JMJD1C: variants seen among roughly 807,000 people sequenced by gnomAD.
JMJD1C encodes jumonji domain containing 1C.
Under a neutral mutation model 245.3 loss-of-function variants are expected in JMJD1C, and 31 were observed. The observed-to-expected ratio is 0.13, with a 90% CI of 0.09 to 0.17. The LOEUF (loss-of-function observed/expected upper bound fraction) is 0.17, where lower values mean the gene tolerates loss of function less well. Among genes scored for constraint, JMJD1C ranks in the 10% least tolerant of loss-of-function variants. JMJD1C has a pLI of 1.00. For missense variants in JMJD1C, 2,691 were observed against 3,000.2 expected (o/e 0.90, Z 2.41); for synonymous variants, 1,057 against 1,017.4 (o/e 1.04, Z -0.74).
chr10:63,340,973 A>G (rs1188576914), intron 2 of JMJD1C, among the ~76,000 whole-genome samples: 1 of 152,138 alleles, frequency 6.6e-6, no homozygotes, highest in Non-Finnish European at 1.5e-5. Context: ...AACAAAAGAC[A>G]GTTAGTTACA....
intron 1 of JMJD1C, among the ~76,000 whole-genome samples, chr10:63,403,369 A>T (rs915821740): frequency 5.9e-5 from 9 of 152,256 alleles, no homozygotes; most frequent in African/African-American, 2.2e-4. Context: ...ACTTAAAATC[A>T]CTTAAGGTCT....
At chr10:63,433,924 T>C (rs189173338) in intron 1 of JMJD1C, among the ~76,000 whole-genome samples, 442 of 147,470 alleles carry the variant, frequency 3.0e-3, no homozygotes, top group Admixed American at 5.0e-3. Context: ...AAAGGGAAAA[T>C]TAAGCTAACA....
rs542468478 is a variant in JMJD1C, at chr10:63,433,982, A to G, written c.168+31513T>C. Among the ~76,000 whole-genome samples, 8 of 152,282 alleles carry G rather than the reference A, an allele frequency of 5.3e-5. No individual in the cohort carries two copies. In the South Asian group the frequency reaches 1.7e-3, roughly 32 times the overall value. On this transcript the variant is annotated intron_variant, in intron 1 of 25. Transcript: ENST00000399262. ...CTAAACTAGGAATCATTTCAGTTACAGCTAAATGCTGAAATGCAAACAAAA... is the reference window on the plus strand; with the variant it reads ...CTAAACTAGGAATCATTTCAGTTACGGCTAAATGCTGAAATGCAAACAAAA...
At chr10:63,211,823 C>CAAAAAAAAAAAAAAAAAAAAAAA in intron 8 of JMJD1C, among the ~76,000 whole-genome samples, 1 of 77,680 alleles carries the variant, frequency 1.3e-5, no homozygotes, top group African/African-American at 5.4e-5. Context: ...GACTCTGTCT[C>CAAAAAAAAAAAAAAAAAAAAAAA]AAAAAAAAAA....
chr10:63,514,759 C>T (rs1340340538), intron 1 of JMJD1C, among the ~76,000 whole-genome samples: 1 of 151,864 alleles, frequency 6.6e-6, no homozygotes, highest in Admixed American at 6.6e-5. Flanking sequence ...CACACATGTA[C>T]CCCAGAATCT....
At chr10:63,361,777 T>C (rs984098760) in intron 2 of JMJD1C, among the ~76,000 whole-genome samples, 3 of 139,862 alleles carry the variant, frequency 2.1e-5, no homozygotes, top group Admixed American at 7.2e-5. Context: ...CTCAATTTCA[T>C]ACACTTAAGA....
chr10:63,430,447 A>G (rs1263604809), intron 1 of JMJD1C, among the ~76,000 whole-genome samples: 1 of 152,228 alleles, frequency 6.6e-6, no homozygotes, highest in Non-Finnish European at 1.5e-5. Flanking sequence ...TACAACATGA[A>G]TAAATCTTGA....
intron 1 of JMJD1C, among the ~76,000 whole-genome samples, chr10:63,506,527 C>T (rs1219719673): frequency 6.6e-6 from 1 of 152,164 alleles, no homozygotes; most frequent in African/African-American, 2.4e-5. Context: ...TTCCTGGCCA[C>T]CTGGAAAAGC....
At chr10:63,211,847 A>C (rs1368010294) in intron 8 of JMJD1C, among the ~76,000 whole-genome samples, 40 of 135,560 alleles carry the variant, frequency 3.0e-4, no homozygotes, top group South Asian at 2.3e-4. Context: ...AAAAAAAAAA[A>C]CCCCACAAAA....
intron 2 of JMJD1C, among the ~76,000 whole-genome samples, chr10:63,349,011 G>T (rs1319662628): frequency 7.4e-6 from 1 of 134,866 alleles, no homozygotes; most frequent in East Asian, 2.4e-4. Flanking sequence ...AGAGGCAGGA[G>T]AATCACTTGA....
intron 2 of JMJD1C, among the ~76,000 whole-genome samples, chr10:63,377,888 A>T (rs1946880919): frequency 1.4e-5 from 2 of 147,522 alleles, no homozygotes; most frequent in African/African-American, 2.5e-5. Context: ...GAAAAGTGAG[A>T]TCTTGTCTAA....
intron 2 of JMJD1C, chr10:63,269,088 T>G (rs1232359234): frequency 4.1e-6 from 4 of 985,440 alleles, no homozygotes; most frequent in Non-Finnish European, 4.8e-6. Context: ...CGAGGTCGCT[T>G]ACATAACCAG....
intron 2 of JMJD1C, among the ~76,000 whole-genome samples, chr10:63,272,970 T>A (rs1856471354): frequency 6.6e-6 from 1 of 152,220 alleles, no homozygotes; most frequent in Non-Finnish European, 1.5e-5. Context: ...CATACATTCT[T>A]AGTAACACAA....
intron 1 of JMJD1C, among the ~76,000 whole-genome samples, chr10:63,471,587 T>C (rs1160443873): frequency 6.6e-6 from 1 of 152,228 alleles, no homozygotes; most frequent in East Asian, 1.9e-4. Context: ...TCAAAGAAGA[T>C]ATACATATGA....
intron 3 of JMJD1C, among the ~76,000 whole-genome samples, chr10:63,261,723 C>T (rs1035828990): frequency 2.0e-5 from 3 of 152,166 alleles, no homozygotes; most frequent in Non-Finnish European, 4.4e-5. Flanking sequence ...TCATCTGTTT[C>T]CTAACCACTA....
chr10:63,503,289 C>T (rs1184362101), intron 1 of JMJD1C, among the ~76,000 whole-genome samples: 1 of 152,076 alleles, frequency 6.6e-6, no homozygotes, highest in Non-Finnish European at 1.5e-5. Flanking sequence ...GCTTTTAGTT[C>T]AACTTAGGTC....
At chr10:63,521,588 C>G in intron 1 of JMJD1C, 1 of 1,411,120 alleles carries the variant, frequency 7.1e-7, no homozygotes, top group African/African-American at 1.5e-5. Flanking sequence ...GTAAGTGCCT[C>G]TCACTGCGCC....
At chr10:63,188,385 G>C (rs1352009590) in intron 18 of JMJD1C, among the ~76,000 whole-genome samples, 1 of 152,130 alleles carries the variant, frequency 6.6e-6, no homozygotes, top group Non-Finnish European at 1.5e-5. Context: ...GATTTTGAAA[G>C]GGATTAGTAA....
At chr10:63,247,201 T>C (rs1024810860) in intron 3 of JMJD1C, among the ~76,000 whole-genome samples, 2 of 150,234 alleles carry the variant, frequency 1.3e-5, no homozygotes, top group East Asian at 1.9e-4. Flanking sequence ...TCAATAAATA[T>C]TTAGCTAGAC....
Sources: allele counts gnomAD v4.1 joint callset (sites outside exome capture counted in the v4.1 genomes callset), GRCh38; gene constraint gnomAD v4.1.1; transcripts MANE v1.5; gene names NCBI Gene and HGNC (gene_info 2026-07-23, HGNC 2026-07-21).